RBM44: variants seen among roughly 807,000 people sequenced by gnomAD.
The protein encoded by RBM44 is RNA-binding protein 44.
In RBM44, 66 loss-of-function variants were observed where a neutral mutation model predicts 105.1. That is an observed-to-expected ratio of 0.63 (90% CI 0.52 to 0.77). The LOEUF (loss-of-function observed/expected upper bound fraction) is 0.77. Among genes scored for constraint, RBM44 ranks in the 30% least tolerant of loss-of-function variants. The pLI is 0.00. For synonymous variants in RBM44, 365 were observed against 417.6 expected, an observed-to-expected ratio of 0.87 and a Z score of 1.54; for missense variants, 1,122 against 1,207.8, an observed-to-expected ratio of 0.93 and a Z score of 1.05.
chr2:237,813,540 C>A, intron 1 of RBM44, 52 bp from the exon 2 acceptor site: 2 of 996,332 alleles, frequency 2.0e-6, no homozygotes, highest in South Asian at 3.1e-5. Flanking sequence ...ATGTAGTTGT[C>A]AATTTATGCT....
At chr2:237,838,912 G>A (rs879480110) in intron 15 of RBM44, among the ~76,000 whole-genome samples, 1 of 152,198 alleles carries the variant, frequency 6.6e-6, no homozygotes, top group African/African-American at 2.4e-5. Context: ...AGTGCCCAAG[G>A]ATTTTACTGG....
At chr2:237,824,472 A>G in intron 10 of RBM44, 53 bp downstream of exon 10, 2 of 1,463,332 alleles carry the variant, frequency 1.4e-6, no homozygotes, top group South Asian at 1.2e-5. Flanking sequence ...TTTGTAAAAT[A>G]GTGCTTACCT....
chr2:237,814,485 A>G (rs796476459), intron 2 of RBM44, among the ~76,000 whole-genome samples: 6 of 152,292 alleles, frequency 3.9e-5, no homozygotes, highest in Admixed American at 1.3e-4. Flanking sequence ...GTAAATCCCA[A>G]TAGGGTATTT....
At chr2:237,805,570 G>C (rs1195550347) in intron 1 of RBM44, among the ~76,000 whole-genome samples, 1 of 152,184 alleles carries the variant, frequency 6.6e-6, no homozygotes, top group Admixed American at 6.5e-5. Context: ...AATGGTGCTG[G>C]AATAACTGTC....
At chr2:237,837,142 C>T (rs1408922068) in intron 15 of RBM44, among the ~76,000 whole-genome samples, 1 of 152,180 alleles carries the variant, frequency 6.6e-6, no homozygotes, top group African/African-American at 2.4e-5. Flanking sequence ...AAATATATTT[C>T]TTTCAAAATA....
At position 237,817,287 on chromosome 2, in the gene RBM44, A is replaced by C. The variant is rs750513525; in HGVS notation, c.368A>C (p.Lys123Thr). 6.9e-5 allele frequency: 111 copies of C among 1,607,482 alleles called. No homozygotes were observed. Among genetic ancestry groups the C allele is most frequent in the Non-Finnish European group, 9.3e-5 (110 of 1,176,844 alleles). The change falls in exon 3 of 16, where the codon AAG becomes ACG. Residue 123 changes from lysine (K) to threonine (T), a missense_variant. Transcript: ENST00000316997. ...CCTTATTCAGAGTCAAAACTAAAGA[A>C]GGAAAGTCTTACTCCTTTAAGTTCA... The part of the protein sequence containing the change: ...SIPYSESKLK[K>T]ESLTPLSSEL...
At position 237,821,655 on chromosome 2, in the gene RBM44, A is replaced by G. The variant is rs2061791949; in HGVS notation, c.2121-88A>G. ...ACATTTCAAGTCCTCTCTTTTAGCTACTTTGAAATATACATTGTAGTTAAC... is the reference window on the plus strand; with the variant it reads ...ACATTTCAAGTCCTCTCTTTTAGCTGCTTTGAAATATACATTGTAGTTAAC... On this transcript the variant is annotated intron_variant, in intron 7 of 15. Coordinates refer to ENST00000316997, the MANE Select transcript of RBM44 (RefSeq NM_001080504.3). 21 of 916,682 alleles carry G rather than the reference A, an allele frequency of 2.3e-5. No individual in the cohort carries two copies. In the East Asian group the frequency reaches 5.4e-4, roughly 24 times the overall value. The allele number at this position is 916,682 out of a possible 1,614,324, so 56.8% of individuals were successfully genotyped here. A position where few individuals can be genotyped will look rare whatever the true frequency, so the allele number is the denominator to read the frequency against.
At chr2:237,815,364 A>G (rs1273255575) in intron 2 of RBM44, among the ~76,000 whole-genome samples, 2 of 152,134 alleles carry the variant, frequency 1.3e-5, no homozygotes, top group African/African-American at 4.8e-5. Context: ...CCCAGAATTG[A>G]ACTCATTATC....
chr2:237,824,489 G>A (rs1332672041), intron 10 of RBM44, 70 bp downstream of exon 10: 4 of 1,271,610 alleles, frequency 3.1e-6, no homozygotes, highest in Non-Finnish European at 4.4e-6. Flanking sequence ...ACCTGCTTCT[G>A]TGTTGTGTTG....
Position 237,821,913 on chromosome 2 carries a change from T to G in RBM44, c.2205+86T>G, listed in dbSNP as rs1001523371. 1.4e-5 allele frequency: 12 copies of G among 845,972 alleles called. No homozygotes were observed. The African/African-American group carries it at 1.9e-4, about 13-fold the overall frequency. 52.4% of individuals were successfully genotyped at this position (845,972 alleles called of 1,614,324 possible). A position where few individuals can be genotyped will look rare whatever the true frequency, so the allele number is the denominator to read the frequency against. On this transcript the variant is annotated intron_variant, in intron 8 of 15. Coordinates refer to ENST00000316997, the MANE Select transcript of RBM44 (RefSeq NM_001080504.3). The stretch of plus-strand genomic sequence containing the variant: ...ATCATAATTTTCAGAAACCCTGACA[T>G]CCTTCTTTTCACTCAACTGGCTTAC...
chr2:237,803,059 G>A lies in RBM44; in HGVS notation c.-19+4198G>A, dbSNP rs1178673882. Among the ~76,000 whole-genome samples, 1 of 152,198 alleles carries A rather than the reference G, an allele frequency of 6.6e-6. No homozygotes were observed. The highest frequency in any genetic ancestry group is 2.4e-5 in the African/African-American group (1 of 41,422). ...AGGCGGGTGGATCACTTGAGGTCAG[G>A]AGTTCAAGACCAACCTGGCCAACAT... On this transcript the variant is annotated intron_variant, in intron 1 of 15. Coordinates refer to ENST00000316997, the MANE Select transcript of RBM44 (RefSeq NM_001080504.3). This position sits in a 1 kb window ranked among gnomAD's most constrained non-coding sequence, Gnocchi z 4.2.
intron 1 of RBM44, chr2:237,799,521 C>T (rs6758295): frequency 0.032 from 4,849 of 152,260 alleles, 192 homozygotes; most frequent in Admixed American, 0.1. Flanking sequence ...GTCTCGATCT[C>T]GGTCTCTATC....
At chr2:237,811,856 G>A (rs2061661550) in intron 1 of RBM44, among the ~76,000 whole-genome samples, 1 of 151,888 alleles carries the variant, frequency 6.6e-6, no homozygotes, top group Admixed American at 6.6e-5. Flanking sequence ...GATTTGTCTT[G>A]TCTTTTATCT....
At position 237,817,574 on chromosome 2, in the gene RBM44, T is replaced by C. The variant is rs1353824711; in HGVS notation, c.655T>C (p.Leu219=). The C allele has an allele frequency of 6.2e-7, 1 of 1,612,688 alleles. No homozygotes were observed. Residue 219 remains leucine (L), a synonymous_variant, in exon 3 of 16, where the codon TTA becomes CTA. Transcript: ENST00000316997. Reference sequence around the variant, plus strand: ...TATATCTAATCCAGAAGTTGTTGAATTAGGAAATTCGGGTTATGAAGTTAA... The same window carrying C: ...TATATCTAATCCAGAAGTTGTTGAACTAGGAAATTCGGGTTATGAAGTTAA... ...LDISNPEVVE[L]GNSGYEVKCA...
chr2:237,823,108 T>TTG (rs2061810607), intron 8 of RBM44, among the ~76,000 whole-genome samples: 1 of 149,590 alleles, frequency 6.7e-6, no homozygotes, highest in African/African-American at 2.4e-5. Flanking sequence ...TGATAAATAT[T>TTG]TGTGTATATA....
intron 13 of RBM44, among the ~76,000 whole-genome samples, chr2:237,829,919 A>G (rs1470459626): frequency 6.6e-6 from 1 of 152,196 alleles, no homozygotes; most frequent in Non-Finnish European, 1.5e-5. Context: ...GAAAAGTGGT[A>G]AAGTTTGCCT....
At chr2:237,801,937 A>G (rs1388023572) in intron 1 of RBM44, among the ~76,000 whole-genome samples, 1 of 152,148 alleles carries the variant, frequency 6.6e-6, no homozygotes, top group Admixed American at 6.6e-5. Context: ...TCTTGGTGAG[A>G]ATTTTAGTTT....
At chr2:237,833,335 A>G (rs916614303) in intron 13 of RBM44, among the ~76,000 whole-genome samples, 2 of 152,122 alleles carry the variant, frequency 1.3e-5, no homozygotes, top group African/African-American at 4.8e-5. Flanking sequence ...CCTTTGTTGA[A>G]CTTTTATGGG....
At chr2:237,799,773 C>T (rs908531979) in intron 1 of RBM44, among the ~76,000 whole-genome samples, 1 of 152,150 alleles carries the variant, frequency 6.6e-6, no homozygotes, top group African/African-American at 2.4e-5. Flanking sequence ...AGGAGCGTAA[C>T]TGATTCGATA....
Sources: gnomAD v4.1 joint callset for allele counts (sites outside exome capture counted in the v4.1 genomes callset) on GRCh38, gnomAD v4.1.1 for gene constraint, Gnocchi (gnomAD v3.1) non-coding constraint, MANE v1.5 for transcripts, NCBI Gene and HGNC (gene_info 2026-07-23, HGNC 2026-07-21) for gene names.